Variants in TCF12 observed in about 807,000 individuals in gnomAD.
TCF12 encodes transcription factor 12.
A neutral mutation model predicts 86.0 loss-of-function variants in TCF12; 45 were observed. That is an observed-to-expected ratio of 0.52 (90% CI 0.41 to 0.67). The LOEUF (loss-of-function observed/expected upper bound fraction) is 0.67, where lower values mean the gene tolerates loss of function less well. Among genes scored for constraint, TCF12 ranks in the 30% least tolerant of loss-of-function variants. TCF12 has a pLI of 0.00. For synonymous variants in TCF12, 330 were observed against 299.6 expected (o/e 1.10, Z -1.05); for missense variants, 881 against 859.9 (o/e 1.02, Z -0.31).
At chr15:57,026,792 G>T (rs754617288) in intron 3 of TCF12, among the ~76,000 whole-genome samples, 2 of 151,940 alleles carry the variant, frequency 1.3e-5, no homozygotes, top group Non-Finnish European at 2.9e-5. Flanking sequence ...ATTGGTTCCA[G>T]GACCCCTGCA....
chr15:57,150,875 CT>C (rs370939561), intron 5 of TCF12, among the ~76,000 whole-genome samples: 41,536 of 97,174 alleles, frequency 0.43, 11,147 homozygotes, highest in East Asian at 0.58. Flanking sequence ...CCCTCTGTCC[CT>C]TCCTTCCTTC....
chr15:57,257,869 CAA>C (rs1213830822), intron 16 of TCF12, among the ~76,000 whole-genome samples: 1 of 152,014 alleles, frequency 6.6e-6, no homozygotes, highest in Non-Finnish European at 1.5e-5. Context: ...AGCGCGAAAT[CAA>C]GAGTTTTTAG....
At chr15:57,034,297 T>C (rs1480803053) in intron 3 of TCF12, among the ~76,000 whole-genome samples, 1 of 152,194 alleles carries the variant, frequency 6.6e-6, no homozygotes, top group South Asian at 2.1e-4. Context: ...TTCTTGTTGA[T>C]GACTTTTTTT....
rs2585085 is a variant in TCF12 at position 57,019,313 on chromosome 15, A to G, written c.149-44437A>G. The stretch of plus-strand genomic sequence containing the variant: ...TAGGAATTAAACTTCTTTTATTCTC[A>G]AAGTCTCACATACTTGTAATCTCCT... On this transcript the variant is annotated intron_variant, in intron 3 of 20. Transcript: ENST00000333725. 8.4e-3 allele frequency among the ~76,000 whole-genome samples: 1,282 copies of G among 152,276 alleles called. 27 individuals are homozygous for G. The highest frequency in any genetic ancestry group is 0.029 in the African/African-American group (1,213 of 41,550).
chr15:57,234,195 A>C, intron 12 of TCF12, 88 bp downstream of exon 12: 3 of 1,009,728 alleles, frequency 3.0e-6, no homozygotes, highest in Non-Finnish European at 4.7e-6. Context: ...GTATCTAAAG[A>C]GTATAGATGT....
At chr15:56,925,698 AAAG>A (rs1355065150) in intron 3 of TCF12, among the ~76,000 whole-genome samples, 46 of 152,368 alleles carry the variant, frequency 3.0e-4, no homozygotes, top group African/African-American at 1.1e-3. Context: ...TGAAAAAGAA[AAAG>A]AAGTGCTATT....
chr15:57,009,649 G>C (rs2064700367), intron 3 of TCF12, among the ~76,000 whole-genome samples: 1 of 152,160 alleles, frequency 6.6e-6, no homozygotes, highest in African/African-American at 2.4e-5. Flanking sequence ...GGGAGTTGGA[G>C]AAAACAGAAG....
At chr15:57,226,156 A>G (rs1433811121) in intron 8 of TCF12, among the ~76,000 whole-genome samples, 3 of 151,262 alleles carry the variant, frequency 2.0e-5, no homozygotes, top group African/African-American at 7.3e-5. Context: ...TTTTTAATAT[A>G]GGGTTTGACC....
chr15:56,980,223 G>T lies in TCF12; in HGVS notation c.148+59125G>T, dbSNP rs186119346. Among the ~76,000 whole-genome samples, 14 of 152,240 alleles carry T rather than the reference G, an allele frequency of 9.2e-5. No individual in the cohort carries two copies. The East Asian group carries it at 2.3e-3, about 25-fold the overall frequency. ...AACAAATTATTTTTTAAATTAGCTG[G>T]GGGTAGTGGCATGCCCTTCCGTCTC... On this transcript the variant is annotated intron_variant, in intron 3 of 20. Transcript: ENST00000333725.
Position 57,055,185 on chromosome 15 carries a change from C to T in TCF12, c.149-8565C>T, listed in dbSNP as rs532295796. On this transcript the variant is annotated intron_variant, in intron 3 of 20. Coordinates refer to ENST00000333725, the MANE Select transcript of TCF12 (RefSeq NM_207037.2). ...GGAGGCCGAAGCAGGCGAATCAAGC[C>T]GGGGTCAGGAGTTCGAGACCAGCCT... 3.7e-3 allele frequency among the ~76,000 whole-genome samples: 562 copies of T among 152,030 alleles called. 4 individuals carry two copies. Among genetic ancestry groups the T allele is most frequent in the African/African-American group, 0.013 (525 of 41,484 alleles).
chr15:57,263,921 C>G (rs1373244488), intron 18 of TCF12, among the ~76,000 whole-genome samples: 6 of 152,102 alleles, frequency 3.9e-5, no homozygotes, highest in African/African-American at 1.4e-4. Context: ...CGAAATTGCT[C>G]TGGGTGATTC....
In TCF12 at chr15:56,918,897, G is replaced by C. The variant is rs923468324; in HGVS notation, c.-32G>C. 1 of 152,602 alleles carries C rather than the reference G, an allele frequency of 6.6e-6. No individual in the cohort carries two copies. The highest frequency in any genetic ancestry group is 2.0e-4 in the South Asian group (1 of 4,934). The allele number at this position is 152,602 out of a possible 1,614,324, so 9.5% of individuals were successfully genotyped here. A position where few individuals can be genotyped will look rare whatever the true frequency, so the allele number is the denominator to read the frequency against. ...AATCGGGGTGGTTGGATGCGGAGAC[G>C]GGGCGGCAGGTAATTGCGGGCTAGC... On this transcript the variant is annotated 5_prime_UTR_variant, in exon 1 of 21. Transcript: ENST00000333725.
chr15:57,012,464 C>A (rs1480716701), intron 3 of TCF12, among the ~76,000 whole-genome samples: 2 of 152,074 alleles, frequency 1.3e-5, no homozygotes, highest in African/African-American at 4.8e-5. Context: ...ATTATTCTAA[C>A]TCTTGTACGC....
chr15:57,193,232 A>G (rs1280645768), intron 7 of TCF12, among the ~76,000 whole-genome samples: 8 of 152,208 alleles, frequency 5.3e-5, no homozygotes, highest in South Asian at 2.1e-4. Flanking sequence ...TGTCTTTTGC[A>G]TATTACTTGC....
At chr15:57,253,181 T>G (rs1445090947) in intron 15 of TCF12, 81 bp from the exon 16 acceptor site, 7 of 1,477,482 alleles carry the variant, frequency 4.7e-6, no homozygotes, top group Non-Finnish European at 6.6e-6. Context: ...CTTCCACATA[T>G]CACATAGTAG....
intron 3 of TCF12, among the ~76,000 whole-genome samples, chr15:56,937,448 G>A (rs1047704254): frequency 1.3e-4 from 20 of 151,884 alleles, no homozygotes; most frequent in Non-Finnish European, 2.5e-4. Flanking sequence ...CCTTCTAGGA[G>A]CTTTTTGGAG....
chr15:57,100,870 T>C (rs1418116981), intron 5 of TCF12, among the ~76,000 whole-genome samples: 3 of 152,206 alleles, frequency 2.0e-5, no homozygotes, highest in African/African-American at 7.2e-5. Context: ...TATACTGAAT[T>C]GCTTTGGTTT....
intron 4 of TCF12, among the ~76,000 whole-genome samples, chr15:57,091,260 T>C (rs1362882929): frequency 6.6e-6 from 1 of 152,200 alleles, no homozygotes; most frequent in East Asian, 1.9e-4. Context: ...ATTTCTAGCA[T>C]ATTGATTGTG....
intron 4 of TCF12, among the ~76,000 whole-genome samples, chr15:57,073,797 G>A (rs1427210845): frequency 2.6e-5 from 4 of 152,280 alleles, no homozygotes; most frequent in Non-Finnish European, 5.9e-5. Context: ...CGCCCAGGCT[G>A]GAGTACGGTG....
Sources: allele counts gnomAD v4.1 joint callset (sites outside exome capture counted in the v4.1 genomes callset), GRCh38; gene constraint gnomAD v4.1.1; transcripts MANE v1.5; gene names NCBI Gene and HGNC (gene_info 2026-07-23, HGNC 2026-07-21).